Variants in HRH1 observed in about 807,000 individuals in gnomAD.
HRH1 encodes histamine receptor H1.
Under a neutral mutation model 10.3 loss-of-function variants are expected in HRH1, and 6 were observed. The ratio of observed to expected loss-of-function variants is 0.58; its 90% CI spans 0.32 to 1.15. The LOEUF is 1.15. Ranked by LOEUF, HRH1 falls within the 50% of genes most tolerant of loss-of-function variation. The probability of loss-of-function intolerance (pLI) is 0.05; values close to 1 mark genes in which losing one functional copy is unlikely to be tolerated. For missense variants in HRH1, 514 were observed against 615.3 expected, an observed-to-expected ratio of 0.84 and a Z score of 1.74; for synonymous variants, 242 against 236.7, an observed-to-expected ratio of 1.02 and a Z score of -0.21.
chr3:11,176,979 A>C (rs1937260854), intron 1 of HRH1, among the ~76,000 whole-genome samples: 1 of 151,998 alleles, frequency 6.6e-6, no homozygotes. Flanking sequence ...TGTAATCCCA[A>C]CTACTGGGGA....
intron 1 of HRH1, among the ~76,000 whole-genome samples, chr3:11,251,135 A>G (rs890652207): frequency 6.6e-6 from 1 of 152,088 alleles, no homozygotes; most frequent in African/African-American, 2.4e-5. Context: ...GGGGGAAGAT[A>G]AGGGGTTAGG....
At chr3:11,190,375 TAA>T (rs1491109297) in intron 1 of HRH1, among the ~76,000 whole-genome samples, 2 of 146,424 alleles carry the variant, frequency 1.4e-5, no homozygotes, top group Non-Finnish European at 3.0e-5. Flanking sequence ...ATTTTTTAAT[TAA>T]TTAATTTATT....
intron 1 of HRH1, among the ~76,000 whole-genome samples, chr3:11,157,846 G>C (rs1238635752): frequency 6.6e-6 from 1 of 152,190 alleles, no homozygotes; most frequent in Non-Finnish European, 1.5e-5. Flanking sequence ...CTGCCCCCAG[G>C]GAGTACTTAA....
chr3:11,202,434 ATAAT>A (rs201714208), intron 1 of HRH1, among the ~76,000 whole-genome samples: 9,176 of 148,162 alleles, frequency 0.062, 450 homozygotes, highest in South Asian at 0.16. Context: ...AAATAAATAA[ATAAT>A]TAATTAAAAA....
intron 1 of HRH1, among the ~76,000 whole-genome samples, chr3:11,192,225 C>T (rs1303514312): frequency 1.3e-5 from 2 of 152,226 alleles, no homozygotes; most frequent in South Asian, 2.1e-4. Context: ...GCGTAACCAG[C>T]GTCCCAGTGA....
At chr3:11,243,926 G>A (rs1364665042) in intron 1 of HRH1, among the ~76,000 whole-genome samples, 1 of 152,190 alleles carries the variant, frequency 6.6e-6, no homozygotes, top group Non-Finnish European at 1.5e-5. Context: ...TTTATCTTGT[G>A]TATTTCTTCG....
chr3:11,187,743 G>A (rs1011505357), intron 1 of HRH1, among the ~76,000 whole-genome samples: 7 of 152,128 alleles, frequency 4.6e-5, no homozygotes, highest in Non-Finnish European at 8.8e-5. Flanking sequence ...CAACTCCTAC[G>A]ATGATTTGTA....
chr3:11,149,183 G>A (rs748997), intron 1 of HRH1, among the ~76,000 whole-genome samples: 21,657 of 152,142 alleles, frequency 0.14, 1,768 homozygotes, highest in East Asian at 0.3. Context: ...GGTCAACCCC[G>A]TTTGGGTATT....
chr3:11,165,655 CTGTGCCAGTT>C (rs1290411396), intron 1 of HRH1, among the ~76,000 whole-genome samples: 2 of 152,214 alleles, frequency 1.3e-5, no homozygotes, highest in African/African-American at 4.8e-5. Context: ...GGTGATCTCA[CTGTGCCAGTT>C]CTGAATACAG....
intron 1 of HRH1, among the ~76,000 whole-genome samples, chr3:11,148,569 T>G (rs1236370672): frequency 6.6e-6 from 1 of 152,026 alleles, no homozygotes; most frequent in Non-Finnish European, 1.5e-5. Flanking sequence ...GACACGAATG[T>G]GACTCAAAAT....
chr3:11,191,048 G>T (rs1266532164), intron 1 of HRH1, among the ~76,000 whole-genome samples: 2 of 152,112 alleles, frequency 1.3e-5, no homozygotes, highest in Non-Finnish European at 2.9e-5. Context: ...TCAGCACTGT[G>T]CAGCCTCCAC....
chr3:11,228,178 A>G (rs1040816616), intron 1 of HRH1, among the ~76,000 whole-genome samples: 1 of 152,220 alleles, frequency 6.6e-6, no homozygotes, highest in Non-Finnish European at 1.5e-5. Flanking sequence ...AGCTTTAGTT[A>G]GGAAAGTGAT....
At chr3:11,184,892 T>C (rs1937422486) in intron 1 of HRH1, among the ~76,000 whole-genome samples, 1 of 130,142 alleles carries the variant, frequency 7.7e-6, no homozygotes, top group Admixed American at 8.7e-5. Context: ...CACTCCAGCC[T>C]GGGCAACAGA....
At chr3:11,152,944 C>T (rs1313921805), upstream of HRH1, among the ~76,000 whole-genome samples, 1 of 152,098 alleles carries the variant, frequency 6.6e-6, no homozygotes, top group Non-Finnish European at 1.5e-5. Context: ...CTGCCATTAT[C>T]TCAAGGCCAA....
intron 1 of HRH1, among the ~76,000 whole-genome samples, chr3:11,173,291 G>A (rs1213685180): frequency 6.6e-6 from 1 of 151,636 alleles, no homozygotes; most frequent in Non-Finnish European, 1.5e-5. Flanking sequence ...ATGAAATAAA[G>A]TTATTATGAT....
intron 1 of HRH1, among the ~76,000 whole-genome samples, chr3:11,197,048 T>C (rs1473679214): frequency 5.4e-5 from 8 of 146,960 alleles, no homozygotes. Context: ...TGGCGTGAAC[T>C]CAGGAGGCGG....
intron 1 of HRH1, among the ~76,000 whole-genome samples, chr3:11,196,255 G>T (rs1463018978): frequency 6.6e-6 from 1 of 152,164 alleles, no homozygotes; most frequent in Admixed American, 6.5e-5. Context: ...CAGTTGCCCG[G>T]CTCCTCAGCC....
At chr3:11,225,767 C>T (rs939425098) in intron 1 of HRH1, among the ~76,000 whole-genome samples, 1 of 152,246 alleles carries the variant, frequency 6.6e-6, no homozygotes, top group African/African-American at 2.4e-5. Context: ...CTCACTTCAA[C>T]CTCTGCCTCC....
chr3:11,250,868 C>T (rs2152586150), intron 1 of HRH1, among the ~76,000 whole-genome samples: 1 of 152,306 alleles, frequency 6.6e-6, no homozygotes, highest in South Asian at 2.1e-4. Flanking sequence ...TTTCTGCGCA[C>T]TCTGAAACGA....
Sources: gnomAD v4.1 joint callset for allele counts (sites outside exome capture counted in the v4.1 genomes callset) on GRCh38, gnomAD v4.1.1 for gene constraint, MANE v1.5 for transcripts, NCBI Gene and HGNC (gene_info 2026-07-23, HGNC 2026-07-21) for gene names.